The following CNTN3 variants were observed in gnomAD, a reference collection of about 807,000 sequenced individuals.
CNTN3 encodes the protein contactin-3.
A neutral mutation model predicts 119.1 loss-of-function variants in CNTN3; 60 were observed. The ratio of observed to expected loss-of-function variants is 0.50; its 90% CI spans 0.41 to 0.62. CNTN3 has a LOEUF of 0.62. CNTN3 is among the 20% of genes least tolerant of loss of function. The probability of loss-of-function intolerance (pLI) is 0.00; values close to 1 mark genes in which losing one functional copy is unlikely to be tolerated. For synonymous variants in CNTN3, 450 were observed against 438.7 expected, an observed-to-expected ratio of 1.03 and a Z score of -0.32; for missense variants, 1,101 against 1,242.4, an observed-to-expected ratio of 0.89 and a Z score of 1.71.
At chr3:74,296,789 T>C (rs1474847931) in intron 18 of CNTN3, among the ~76,000 whole-genome samples, 1 of 152,170 alleles carries the variant, frequency 6.6e-6, no homozygotes, top group Non-Finnish European at 1.5e-5. Context: ...GAAATAATAG[T>C]GCCTATATTT....
chr3:74,351,564 A>C (rs1391109320), intron 11 of CNTN3, among the ~76,000 whole-genome samples: 2 of 152,234 alleles, frequency 1.3e-5, no homozygotes, highest in East Asian at 3.8e-4. Flanking sequence ...AAATTAAAGA[A>C]GCAAGTAAAA....
rs76192573 is a variant in CNTN3 at position 74,393,307 on chromosome 3, G to C, written c.455-21908C>G. ...CTAACCAATGTATGACTGCAAGCCA[G>C]AATGCATGTCACTATGAACTCCCAA... On this transcript the variant is annotated intron_variant, in intron 5 of 22. Coordinates refer to ENST00000263665, the MANE Select transcript of CNTN3 (RefSeq NM_020872.3). Among the ~76,000 whole-genome samples, 9 of 152,336 alleles carry C rather than the reference G, an allele frequency of 5.9e-5. No individual in the cohort carries two copies. In the East Asian group the frequency reaches 1.7e-3, roughly 29 times the overall value.
At chr3:74,560,159 G>A (rs911931597) in intron 1 of CNTN3, among the ~76,000 whole-genome samples, 5 of 152,106 alleles carry the variant, frequency 3.3e-5, no homozygotes, top group African/African-American at 1.2e-4. Context: ...ATACCATCAA[G>A]CACATCATCA....
Position 74,298,302 on chromosome 3 carries a change from C to T in CNTN3, c.2167-111G>A. ...GTAAAAGTCATCAAATAATCATCTA[C>T]ATTGTATTAAGCAGTTGCATGAAAA... On this transcript the variant is annotated intron_variant, in intron 17 of 22. Coordinates refer to ENST00000263665, the MANE Select transcript of CNTN3 (RefSeq NM_020872.3). 11 of 647,642 alleles carry T rather than the reference C, an allele frequency of 1.7e-5. No individual in the cohort carries two copies. In the South Asian group the frequency reaches 2.3e-4, roughly 14 times the overall value. 40.1% of individuals were successfully genotyped at this position (647,642 alleles called of 1,614,324 possible).
intron 1 of CNTN3, among the ~76,000 whole-genome samples, chr3:74,523,009 C>T (rs899729770): frequency 6.6e-6 from 1 of 151,726 alleles, no homozygotes; most frequent in African/African-American, 2.4e-5. Flanking sequence ...CCACCTCAAT[C>T]AATCATTATA....
chr3:74,466,447 G>A (rs1461469547), intron 4 of CNTN3, among the ~76,000 whole-genome samples: 3 of 152,066 alleles, frequency 2.0e-5, no homozygotes, highest in Non-Finnish European at 4.4e-5. Context: ...AATTTATATC[G>A]ATTCCCCAAC....
At chr3:74,352,315 G>C (rs1271362375) in intron 11 of CNTN3, among the ~76,000 whole-genome samples, 1 of 152,174 alleles carries the variant, frequency 6.6e-6, no homozygotes, top group East Asian at 1.9e-4. Flanking sequence ...CCAAGGCTGA[G>C]ACAGCATTTC....
At chr3:74,358,960 A>G (rs1464559015) in intron 11 of CNTN3, among the ~76,000 whole-genome samples, 1 of 151,818 alleles carries the variant, frequency 6.6e-6, no homozygotes, top group Admixed American at 6.6e-5. Context: ...TTATGGCTGC[A>G]TAGTATTCCA....
rs559307408 is a variant in CNTN3, at chr3:74,268,394, G to A, written c.2705-1016C>T. 2.6e-5 allele frequency among the ~76,000 whole-genome samples: 4 copies of A among 152,254 alleles called. 1 individual carries two copies. Among genetic ancestry groups the A allele is most frequent in the African/African-American group, 9.6e-5 (4 of 41,560 alleles). On this transcript the variant is annotated intron_variant, in intron 20 of 22. Transcript: ENST00000263665. The stretch of plus-strand genomic sequence containing the variant: ...GAATGTGATTTGGCTAACTGAATTT[G>A]TAATGGAAAAATGATATAAAACATT...
chr3:74,408,194 C>T (rs1701368498), intron 5 of CNTN3, among the ~76,000 whole-genome samples: 1 of 152,116 alleles, frequency 6.6e-6, no homozygotes, highest in African/African-American at 2.4e-5. Flanking sequence ...TAATTTCCCA[C>T]TGGTCTTGCA....
intron 21 of CNTN3, 83 bp from the exon 22 acceptor site, chr3:74,266,732 T>A: frequency 7.9e-7 from 1 of 1,268,700 alleles, no homozygotes; most frequent in Non-Finnish European, 1.1e-6. Flanking sequence ...TGAAATTAAC[T>A]AATTTTGTCC....
intron 1 of CNTN3, among the ~76,000 whole-genome samples, chr3:74,609,926 G>A (rs1477776658): frequency 6.6e-6 from 1 of 152,116 alleles, no homozygotes. Flanking sequence ...TGAACAGAAA[G>A]AGCCTATCAG....
chr3:74,285,830 T>C, intron 19 of CNTN3, among the ~76,000 whole-genome samples: 1 of 113,792 alleles, frequency 8.8e-6, no homozygotes, highest in East Asian at 2.4e-4. Context: ...TATATATATA[T>C]ATATATATAA....
intron 2 of CNTN3, among the ~76,000 whole-genome samples, chr3:74,510,588 T>C (rs1398644367): frequency 1.3e-5 from 2 of 152,060 alleles, no homozygotes; most frequent in Non-Finnish European, 2.9e-5. Flanking sequence ...CCTAAGACAT[T>C]AAAACAAAAC....
rs935947064 is a variant in CNTN3, at chr3:74,559,623, A to C, written c.-80-38431T>G. On this transcript the variant is annotated intron_variant, in intron 1 of 22. Coordinates refer to ENST00000263665, the MANE Select transcript of CNTN3 (RefSeq NM_020872.3). ...CTTGGACCAAAAAAGAAAAGAAAAA[A>C]AAAAAGCAGTACTGAGCACAGTTTT... Among the ~76,000 whole-genome samples the C allele has an allele frequency of 7.2e-5, 11 of 152,324 alleles. No individual in the cohort carries two copies. The East Asian group carries it at 2.1e-3, about 29-fold the overall frequency.
At chr3:74,318,226 T>C (rs1200424821) in intron 13 of CNTN3, among the ~76,000 whole-genome samples, 5 of 151,714 alleles carry the variant, frequency 3.3e-5, no homozygotes, top group Admixed American at 3.3e-4. Context: ...TGTTATTCAG[T>C]TATCCATTTG....
At chr3:74,315,114 G>T (rs1702796749) in intron 13 of CNTN3, among the ~76,000 whole-genome samples, 1 of 152,156 alleles carries the variant, frequency 6.6e-6, no homozygotes, top group Non-Finnish European at 1.5e-5. Context: ...GCATTAGCAT[G>T]CTAAAAGACA....
At chr3:74,578,081 CTATTTAA>C (rs1395706960) in intron 1 of CNTN3, among the ~76,000 whole-genome samples, 1 of 152,006 alleles carries the variant, frequency 6.6e-6, no homozygotes, top group Non-Finnish European at 1.5e-5. Flanking sequence ...CAAGTTGACG[CTATTTAA>C]TATTTATTAA....
intron 4 of CNTN3, among the ~76,000 whole-genome samples, chr3:74,470,880 T>C (rs557780517): frequency 2.0e-5 from 3 of 152,030 alleles, no homozygotes; most frequent in Non-Finnish European, 2.9e-5. Flanking sequence ...TTTGTTGTTG[T>C]TGTTGTTGTT....
Sources: allele counts gnomAD v4.1 joint callset (sites outside exome capture counted in the v4.1 genomes callset), GRCh38; gene constraint gnomAD v4.1.1; transcripts MANE v1.5; gene names NCBI Gene and HGNC (gene_info 2026-07-23, HGNC 2026-07-21).